Variants in MCM5 observed in about 807,000 individuals in gnomAD.
The protein encoded by MCM5 is minichromosome maintenance complex component 5.
Under a neutral mutation model 79.9 loss-of-function variants are expected in MCM5, and 46 were observed. That is an observed-to-expected ratio of 0.58 (90% CI 0.45 to 0.74). MCM5 has a LOEUF of 0.74. MCM5 is among the 30% of genes least tolerant of loss of function. The probability of loss-of-function intolerance (pLI) is 0.00; values close to 1 mark genes in which losing one functional copy is unlikely to be tolerated. For synonymous variants in MCM5, 404 were observed against 390.5 expected (o/e 1.03, Z -0.41); for missense variants, 883 against 1,017.0 (o/e 0.87, Z 1.79).
the MCM5 span, among the ~76,000 whole-genome samples, chr22:35,453,277 G>A: frequency 1.4e-3 from 210 of 152,338 alleles, no homozygotes; most frequent in African/African-American, 4.5e-3. Context: ...TATGTCACAA[G>A]TCTGTGTTTC....
chr22:35,439,741 ACT>A, the MCM5 span, among the ~76,000 whole-genome samples: 5 of 152,144 alleles, frequency 3.3e-5, no homozygotes, highest in Non-Finnish European at 7.3e-5. Flanking sequence ...TCACTTACTA[ACT>A]CTGTGAAGTT....
rs377540474 is a variant in MCM5 at position 35,403,531 on chromosome 22, C to T, written c.412C>T (p.Arg138Cys). The T allele has an allele frequency of 8.1e-6, 13 of 1,613,686 alleles. No homozygotes were observed. Among genetic ancestry groups the T allele is most frequent in the East Asian group, 6.7e-5 (3 of 44,876 alleles). The change falls in exon 4 of 17, where the codon CGT becomes TGT. Residue 138 changes from arginine to cysteine, a missense_variant. Arg to Cys is a radical substitution (Grantham distance 180). Transcript: ENST00000216122. ...GTCGGACGCCAGCCCTTCCAGCATTCGTAGCCTGAAGGTGGGTCGGAGGGC... is the reference window on the plus strand; with the variant it reads ...GTCGGACGCCAGCCCTTCCAGCATTTGTAGCCTGAAGGTGGGTCGGAGGGC... ...LKSDASPSSI[R>C]SLKSDMMSHL...
At chr22:35,424,076 G>T (rs544264555) in intron 16 of MCM5, 78 bp from the exon 17 acceptor site, 24 of 930,034 alleles carry the variant, frequency 2.6e-5, no homozygotes, top group Non-Finnish European at 3.3e-5. Context: ...AAAGTTCCCC[G>T]TGAGCCTGGG....
At chr22:35,416,247 G>A in intron 10 of MCM5, 92 bp from the exon 11 acceptor site, 1 of 1,266,136 alleles carries the variant, frequency 7.9e-7, no homozygotes, top group South Asian at 1.2e-5. Context: ...CTGGTATTCA[G>A]GAGTGAGGGC....
Position 35,403,227 on chromosome 22 carries a change from AC to A in MCM5, c.189del (p.Tyr63Ter). On this transcript the variant is annotated frameshift_variant, in exon 3 of 17. Coordinates refer to ENST00000216122, the MANE Select transcript of MCM5 (RefSeq NM_006739.4). LOFTEE classifies it high-confidence loss of function. ...FKYRDELKRH[Y>X]NLGEYWIEVE... ...TCCAGGGATGAACTCAAGCGGCATTACAACCTGGGGGAGTACTGGATTGAGG... is the reference window on the plus strand; with the variant it reads ...TCCAGGGATGAACTCAAGCGGCATTAAACCTGGGGGAGTACTGGATTGAGG... The A allele has an allele frequency of 6.2e-7, 1 of 1,614,100 alleles. No homozygotes were observed. The highest frequency in any genetic ancestry group is 8.5e-7 in the Non-Finnish European group (1 of 1,180,030).
intron 15 of MCM5, chr22:35,422,399 G>A (rs187154783): frequency 6.6e-6 from 1 of 152,618 alleles, no homozygotes; most frequent in African/African-American, 2.4e-5. Flanking sequence ...CTCAGGTGGA[G>A]GCAGCGCTAA....
intron 8 of MCM5, among the ~76,000 whole-genome samples, chr22:35,413,125 CTCCGCCTCTTGGGT>C (rs1932435981): frequency 1.3e-5 from 2 of 151,374 alleles, no homozygotes; most frequent in Admixed American, 1.3e-4. Flanking sequence ...TCACTGCAAG[CTCCGCCTCTTGGGT>C]TCACACCATT....
At chr22:35,444,524 C>A in the MCM5 span, among the ~76,000 whole-genome samples, 2 of 152,106 alleles carry the variant, frequency 1.3e-5, no homozygotes, top group African/African-American at 4.8e-5. Context: ...CAGAGCTTGG[C>A]GAGGAGCCCC....
At chr22:35,448,420 A>G in the MCM5 span, among the ~76,000 whole-genome samples, 1 of 151,896 alleles carries the variant, frequency 6.6e-6, no homozygotes, top group African/African-American at 2.4e-5. Context: ...CCCCTCTTCC[A>G]GCAGCTGGAG....
chr22:35,402,695 T>A (rs1364310677), intron 2 of MCM5, among the ~76,000 whole-genome samples: 2 of 152,050 alleles, frequency 1.3e-5, no homozygotes, highest in Non-Finnish European at 2.9e-5. Context: ...AGGCGTATGC[T>A]ACCATGCCCG....
chr22:35,434,766 C>G, the MCM5 span, among the ~76,000 whole-genome samples: 1 of 152,228 alleles, frequency 6.6e-6, no homozygotes, highest in East Asian at 1.9e-4. Context: ...GGTGATCATG[C>G]CTGTTCACCA....
chr22:35,442,253 T>A, the MCM5 span, among the ~76,000 whole-genome samples: 1 of 152,092 alleles, frequency 6.6e-6, no homozygotes, highest in Non-Finnish European at 1.5e-5. Flanking sequence ...ACTCACTTGC[T>A]GCCTGCCTGC....
intron 13 of MCM5, 90 bp from the exon 14 acceptor site, chr22:35,419,794 G>A: frequency 7.2e-7 from 1 of 1,389,866 alleles, no homozygotes; most frequent in Non-Finnish European, 9.7e-7. Context: ...GAAAGTGCAT[G>A]TCTGTAAGCT....
the MCM5 span, among the ~76,000 whole-genome samples, chr22:35,447,029 C>G: frequency 6.6e-6 from 1 of 152,216 alleles, no homozygotes; most frequent in African/African-American, 2.4e-5. Context: ...CCGCGCTTCT[C>G]TAGGACAGAA....
In MCM5 at chr22:35,415,911, T is replaced by G; in HGVS notation, c.1286T>G (p.Met429Arg). ...MRDPSSRNFI[M>R]EGGAMVLADG... ...GACCCTTCGTCCCGGAATTTCATCA[T>G]GGAGGGCGGAGCCATGGTCCTGGCC... Residue 429 changes from methionine (M) to arginine (R), a missense_variant, in exon 10 of 17, where the codon ATG (methionine) becomes AGG (arginine). Physicochemically the swap from Met to Arg is moderately conservative, Grantham distance 91. Transcript: ENST00000216122. 1 of 1,614,162 alleles carries G rather than the reference T, an allele frequency of 6.2e-7. No individual in the cohort carries two copies. Among genetic ancestry groups the G allele is most frequent in the Non-Finnish European group, 8.5e-7 (1 of 1,180,030 alleles).
chr22:35,444,360 C>G, the MCM5 span, among the ~76,000 whole-genome samples: 1 of 152,160 alleles, frequency 6.6e-6, no homozygotes, highest in Non-Finnish European at 1.5e-5. Context: ...TAGGCAGGGT[C>G]TGTGGACTTG....
chr22:35,432,219 G>A, the MCM5 span, among the ~76,000 whole-genome samples: 1 of 152,278 alleles, frequency 6.6e-6, no homozygotes, highest in Non-Finnish European at 1.5e-5. Flanking sequence ...CCTGCTTGGG[G>A]GAGAAAGATC....
chr22:35,453,824 A>AGAGT, the MCM5 span, among the ~76,000 whole-genome samples: 21 of 144,160 alleles, frequency 1.5e-4, no homozygotes, highest in African/African-American at 5.3e-4. Context: ...ATATATAGAG[A>AGAGT]GAGAGAGAGA....
chr22:35,407,858 G>C (rs1177565980), intron 5 of MCM5, among the ~76,000 whole-genome samples: 1 of 152,244 alleles, frequency 6.6e-6, no homozygotes, highest in East Asian at 1.9e-4. Flanking sequence ...CTCCACAAGA[G>C]CAGGGACCTT....
Sources: allele counts gnomAD v4.1 joint callset (sites outside exome capture counted in the v4.1 genomes callset), GRCh38; gene constraint gnomAD v4.1.1; transcripts MANE v1.5; gene names NCBI Gene and HGNC (gene_info 2026-07-23, HGNC 2026-07-21).